Variants in COL6A3 observed in about 807,000 individuals in gnomAD.
The protein encoded by COL6A3 is collagen type VI alpha 3 chain.
COL6A3 carries 137 observed loss-of-function variants against 274.1 expected under a neutral mutation model. That is an observed-to-expected ratio of 0.50 (90% CI 0.44 to 0.58). The LOEUF is 0.58. Among genes scored for constraint, COL6A3 ranks in the 20% least tolerant of loss-of-function variants. The probability of loss-of-function intolerance (pLI) is 0.00; values close to 1 mark genes in which losing one functional copy is unlikely to be tolerated. For missense variants in COL6A3, 3,950 were observed against 4,124.9 expected (o/e 0.96, Z 1.16); for synonymous variants, 1,650 against 1,650.6 (o/e 1.00, Z 0.01).
intron 27 of COL6A3, among the ~76,000 whole-genome samples, chr2:237,350,619 G>A (rs1358273900): frequency 6.6e-6 from 1 of 152,212 alleles, no homozygotes; most frequent in Non-Finnish European, 1.5e-5. Flanking sequence ...TTATCTCAAA[G>A]CTGATAGAAA....
At position 237,413,421 on chromosome 2, in the gene COL6A3, C is replaced by A. The variant is rs1432428997; in HGVS notation, c.-31+532G>T. 6.6e-6 allele frequency among the ~76,000 whole-genome samples: 1 copy of A among 152,226 alleles called. No homozygotes were observed. The highest frequency in any genetic ancestry group is 2.4e-5 in the African/African-American group (1 of 41,460). On this transcript the variant is annotated intron_variant, in intron 1 of 43. Coordinates refer to ENST00000295550, the MANE Select transcript of COL6A3 (RefSeq NM_004369.4). The surrounding 1 kb of genome is among the most constrained non-coding windows in gnomAD (Gnocchi z 4.0). ...TCCTGAGCACCAGAGTTACTCCAAT[C>A]TTGTGAAAGCAGCAAATGTGCTCCA... is the stretch of plus-strand genomic sequence containing the variant.
Position 237,366,691 on chromosome 2 carries a change from G to C in COL6A3, c.5496C>G (p.Ala1832=). The C allele has an allele frequency of 6.2e-7, 1 of 1,614,218 alleles. No homozygotes were observed. Among genetic ancestry groups the C allele is most frequent in the South Asian group, 1.1e-5 (1 of 91,076 alleles). ...TATGCACATAATGGGAGTTACCTTT[G>C]GCAGCATCAGTTACACCAGGGCAAA... ...ETLCPGVTDA[A]KACNLDVILG... The change falls in exon 11 of 44, where the codon GCC becomes GCG. Residue 1832 remains alanine (A), a synonymous_variant. Transcript: ENST00000295550.
intron 41 of COL6A3, among the ~76,000 whole-genome samples, chr2:237,334,268 A>G (rs1303423845): frequency 6.6e-6 from 1 of 152,104 alleles, no homozygotes; most frequent in Non-Finnish European, 1.5e-5. Flanking sequence ...GAACATGGAA[A>G]CCTGGACGGG....
intron 1 of COL6A3, among the ~76,000 whole-genome samples, chr2:237,410,960 T>G (rs1042364262): frequency 6.6e-6 from 1 of 152,232 alleles, no homozygotes; most frequent in Non-Finnish European, 1.5e-5. Context: ...TCCCCCACTT[T>G]AAAATTTGGA....
intron 24 of COL6A3, 31 bp downstream of exon 24, chr2:237,354,868 G>A (rs765439341): frequency 6.2e-7 from 1 of 1,607,310 alleles, no homozygotes; most frequent in African/African-American, 1.3e-5. Context: ...TGTTTGAAGA[G>A]AGTCTCCAGG....
chr2:237,389,665 G>T (rs1396266553), intron 3 of COL6A3, among the ~76,000 whole-genome samples: 1 of 152,154 alleles, frequency 6.6e-6, no homozygotes, highest in Non-Finnish European at 1.5e-5. Flanking sequence ...AACAGAGATT[G>T]CCAGGTTCGG....
At chr2:237,328,866 GT>G (rs1700084865) in intron 42 of COL6A3, 1 of 152,186 alleles carries the variant, frequency 6.6e-6, no homozygotes, top group Admixed American at 6.5e-5. Flanking sequence ...TTCCTCATCA[GT>G]TTAATGGTCC....
rs759076232 is a variant in COL6A3, at chr2:237,339,003, A to G, written c.8567+12T>C. On this transcript the variant is annotated intron_variant, in intron 39 of 43. Transcript: ENST00000295550. ...CGCTACAATTTTTAAGACAATAATT[A>G]TAATCACTTACACTTGTTTGTGACC... 1.2e-6 allele frequency: 2 copies of G among 1,607,436 alleles called. No individual in the cohort carries two copies. The highest frequency in any genetic ancestry group is 1.7e-6 in the Non-Finnish European group (2 of 1,173,852).
rs73095605 is a variant in COL6A3, at chr2:237,399,868, G to A, written c.-30-3021C>T. 9.4e-3 allele frequency among the ~76,000 whole-genome samples: 1,431 copies of A among 152,320 alleles called. 33 individuals carry two copies. The highest frequency in any genetic ancestry group is 0.032 in the African/African-American group (1,349 of 41,564). On this transcript the variant is annotated intron_variant, in intron 1 of 43. Coordinates refer to ENST00000295550, the MANE Select transcript of COL6A3 (RefSeq NM_004369.4). ...GTGGGACCCATGTCCCTTGATGGTGGAGCTCACTGCCTCCCTGTGACCAAG... is the reference window on the plus strand; with the variant it reads ...GTGGGACCCATGTCCCTTGATGGTGAAGCTCACTGCCTCCCTGTGACCAAG...
chr2:237,375,861 T>G (rs2077825468), intron 7 of COL6A3, among the ~76,000 whole-genome samples: 1 of 152,242 alleles, frequency 6.6e-6, no homozygotes, highest in South Asian at 2.1e-4. Context: ...TTTTGGCCAC[T>G]AAATTTGTGT....
chr2:237,347,855 T>C lies in COL6A3; in HGVS notation c.6981A>G (p.Glu2327=), dbSNP rs35993209. ...GTCCTGTTGTTCCATTTAGCCCAGG[T>C]TCACCTGGGTTACCCTGGGAAGAAA... ...GYPGPKGNPG[E]PGLNGTTGPK... Residue 2327 remains glutamate, a synonymous_variant, in exon 31 of 44, where the codon GAA becomes GAG. Transcript: ENST00000295550. The C allele has an allele frequency of 3.6e-3, 5,807 of 1,610,310 alleles. 162 individuals carry two copies. In the African/African-American group the frequency reaches 0.058, roughly 16 times the overall value.
Position 237,351,124 on chromosome 2 carries a change from A to G in COL6A3, c.6816+6T>C. ...TCAGGAAAGCTCTACCTTTCTAAAG[A>G]CAAACCTTTCTTCCCAGTGGACCGG... On this transcript the variant is annotated splice_donor_region_variant and intron_variant, in intron 27 of 43. Transcript: ENST00000295550. 6.2e-7 allele frequency: 1 copy of G among 1,614,162 alleles called. No homozygotes were observed. The highest frequency in any genetic ancestry group is 8.5e-7 in the Non-Finnish European group (1 of 1,179,988).
At position 237,374,900 on chromosome 2, in the gene COL6A3, C is replaced by T. The variant is rs112638391; in HGVS notation, c.3191G>A (p.Arg1064Gln). ...GTACTGCACCACGGCCACGCGGACC[C>T]GGTCCTGGCCCACATCCAGGCTTTC... The part of the protein sequence containing the change: ...VVESLDVGQD[R>Q]VRVAVVQYSD... The change falls in exon 8 of 44, where the codon CGG becomes CAG. Residue 1064 changes from arginine (R) to glutamine (Q), a missense_variant. Physicochemically the swap from Arg to Gln is conservative, Grantham distance 43. Transcript: ENST00000295550. The surrounding 1 kb of genome is among the most constrained non-coding windows in gnomAD (Gnocchi z 4.8). The T allele has an allele frequency of 9.6e-4, 1,557 of 1,613,888 alleles. 27 individuals carry two copies. In the Admixed American group the frequency reaches 0.023, roughly 24 times the overall value.
In COL6A3 at chr2:237,386,152, A is replaced by G. The variant is rs184649041; in HGVS notation, c.1312+1430T>C. Among the ~76,000 whole-genome samples, 29 of 152,346 alleles carry G rather than the reference A, an allele frequency of 1.9e-4. No homozygotes were observed. The East Asian group carries it at 5.0e-3, about 26-fold the overall frequency. The stretch of plus-strand genomic sequence containing the variant: ...TTTAAAATCATTTGAGGCAAGTTCA[A>G]TCTAACTCAGTGTGAATTTTGTAAC... On this transcript the variant is annotated intron_variant, in intron 4 of 43. Coordinates refer to ENST00000295550, the MANE Select transcript of COL6A3 (RefSeq NM_004369.4).
At position 237,387,494 on chromosome 2, in the gene COL6A3, G is replaced by A. The variant is rs967174997; in HGVS notation, c.1312+88C>T. 3.1e-5 allele frequency: 49 copies of A among 1,599,072 alleles called. No homozygotes were observed. The Middle Eastern group carries it at 5.5e-4, about 18-fold the overall frequency. ...GGGTACTTACAGCTTCTCCCGTGGC[G>A]AATCATGCTGGTACCCACCTTACGT... is the stretch of plus-strand genomic sequence containing the variant. On this transcript the variant is annotated intron_variant, in intron 4 of 43. Coordinates refer to ENST00000295550, the MANE Select transcript of COL6A3 (RefSeq NM_004369.4).
rs1375632853 is a variant in COL6A3 at position 237,344,295 on chromosome 2, C to T, written c.7668+55G>A. On this transcript the variant is annotated intron_variant, in intron 36 of 43. Transcript: ENST00000295550. The surrounding 1 kb of genome is among the most constrained non-coding windows in gnomAD (Gnocchi z 4.8). ...AAGGAGCATGGACGTGTCTGAGAAC[C>T]TTCTCAGAGCCCCAGAAGAAAGGGA... is the stretch of plus-strand genomic sequence containing the variant. 6.2e-7 allele frequency: 1 copy of T among 1,612,624 alleles called. No individual in the cohort carries two copies. Among genetic ancestry groups the T allele is most frequent in the East Asian group, 2.2e-5 (1 of 44,872 alleles).
chr2:237,372,395 A>G (rs909427117), intron 8 of COL6A3, 58 bp from the exon 9 acceptor site: 13 of 1,599,542 alleles, frequency 8.1e-6, no homozygotes, highest in African/African-American at 1.3e-5. Context: ...CTTAGCGTTC[A>G]TGAGCCACCG....
intron 32 of COL6A3, among the ~76,000 whole-genome samples, chr2:237,345,801 C>A (rs2077085957): frequency 6.6e-6 from 1 of 152,182 alleles, no homozygotes; most frequent in African/African-American, 2.4e-5. Flanking sequence ...GTGCTCCCCC[C>A]AACACTTCAC....
At chr2:237,386,280 G>C (rs2078141771) in intron 4 of COL6A3, among the ~76,000 whole-genome samples, 1 of 152,176 alleles carries the variant, frequency 6.6e-6, no homozygotes, top group Non-Finnish European at 1.5e-5. Context: ...TAAATAAATA[G>C]ATAGTGATGT....
Sources: gnomAD v4.1 joint callset for allele counts (sites outside exome capture counted in the v4.1 genomes callset) on GRCh38, gnomAD v4.1.1 for gene constraint, Gnocchi (gnomAD v3.1) non-coding constraint, MANE v1.5 for transcripts, NCBI Gene and HGNC (gene_info 2026-07-23, HGNC 2026-07-21) for gene names.